The following SV2C variants were observed in gnomAD, a reference collection of about 807,000 sequenced individuals.
SV2C encodes the protein synaptic vesicle glycoprotein 2C.
Under a neutral mutation model 79.7 loss-of-function variants are expected in SV2C, and 49 were observed. The observed-to-expected ratio is 0.61, with a 90% CI of 0.49 to 0.78. SV2C has a LOEUF of 0.78. Among genes scored for constraint, SV2C ranks in the 30% least tolerant of loss-of-function variants. The pLI, the probability that SV2C is intolerant of heterozygous loss-of-function variation, is 0.00. For missense variants in SV2C, 833 were observed against 912.9 expected (o/e 0.91, Z 1.13); for synonymous variants, 334 against 333.2 (o/e 1.00, Z -0.03).
At chr5:76,334,904 G>A (rs751623111), downstream of SV2C, among the ~76,000 whole-genome samples, 1 of 152,198 alleles carries the variant, frequency 6.6e-6, no homozygotes, top group Non-Finnish European at 1.5e-5. Flanking sequence ...GAACAAAATG[G>A]GGGGTTTGTA....
intron 3 of SV2C, among the ~76,000 whole-genome samples, 168 bp downstream of exon 3, chr5:76,195,267 T>G (rs1744238795): frequency 6.6e-6 from 1 of 152,130 alleles, no homozygotes; most frequent in African/African-American, 2.4e-5. Flanking sequence ...TTATCAACCT[T>G]TAAATACAGG....
chr5:76,014,589 G>A, the SV2C span, among the ~76,000 whole-genome samples: 354 of 152,146 alleles, frequency 2.3e-3, 1 homozygote, highest in African/African-American at 8.3e-3. Context: ...GACTAAACAG[G>A]CACACACAGG....
chr5:76,129,336 T>G (rs1748807635), intron 1 of SV2C, among the ~76,000 whole-genome samples: 1 of 152,196 alleles, frequency 6.6e-6, no homozygotes, highest in African/African-American at 2.4e-5. Flanking sequence ...ACAAGTCTCT[T>G]CCCTCAAGGA....
chr5:76,100,733 C>A (rs1268077553), intron 1 of SV2C, among the ~76,000 whole-genome samples: 1 of 152,128 alleles, frequency 6.6e-6, no homozygotes, highest in Non-Finnish European at 1.5e-5. Flanking sequence ...TCCAGAACTC[C>A]ATGGTGGTTT....
chr5:75,878,663 T>C, the SV2C span, among the ~76,000 whole-genome samples: 1 of 152,158 alleles, frequency 6.6e-6, no homozygotes, highest in African/African-American at 2.4e-5. Flanking sequence ...ATAGTGGTGG[T>C]CCTGATATAA....
the SV2C span, among the ~76,000 whole-genome samples, chr5:75,898,845 T>C: frequency 6.6e-6 from 1 of 152,250 alleles, no homozygotes; most frequent in African/African-American, 2.4e-5. Context: ...GATTTTCTAG[T>C]TGATTTGCGT....
downstream of SV2C, among the ~76,000 whole-genome samples, chr5:76,337,563 A>G (rs142048247): frequency 1.8e-3 from 276 of 152,266 alleles, 1 homozygote; most frequent in African/African-American, 6.4e-3. Context: ...TTTGCTGTGT[A>G]TATATTGTTA....
chr5:76,268,922 A>G (rs1268925234), intron 4 of SV2C, among the ~76,000 whole-genome samples: 5 of 152,198 alleles, frequency 3.3e-5, no homozygotes, highest in Non-Finnish European at 5.9e-5. Context: ...CAAAAACAAA[A>G]CACATTCATG....
the SV2C span, among the ~76,000 whole-genome samples, chr5:76,000,691 T>C: frequency 6.6e-6 from 1 of 152,194 alleles, no homozygotes; most frequent in African/African-American, 2.4e-5. Flanking sequence ...ATGCAGAGAA[T>C]GATACCACAT....
At chr5:75,913,249 C>T in the SV2C span, among the ~76,000 whole-genome samples, 9 of 152,142 alleles carry the variant, frequency 5.9e-5, no homozygotes, top group Non-Finnish European at 1.2e-4. Context: ...TGGAGGTCCC[C>T]AGGATCTGAT....
chr5:76,264,610 G>A (rs1746585402), intron 4 of SV2C, among the ~76,000 whole-genome samples: 1 of 152,132 alleles, frequency 6.6e-6, no homozygotes, highest in African/African-American at 2.4e-5. Context: ...CCTTTGAATG[G>A]GGTTTCTGTG....
chr5:76,254,186 GTGTGTATATATATA>G (rs1322893193), intron 4 of SV2C, among the ~76,000 whole-genome samples: 1 of 150,178 alleles, frequency 6.7e-6, no homozygotes, highest in Non-Finnish European at 1.5e-5. Flanking sequence ...ATATATGTGT[GTGTGTATATATATA>G]TGTGTGTATA....
chr5:76,312,307 C>T (rs1192938763), intron 12 of SV2C, among the ~76,000 whole-genome samples: 1 of 151,796 alleles, frequency 6.6e-6, no homozygotes, highest in Non-Finnish European at 1.5e-5. Flanking sequence ...GGCTGGAGTG[C>T]AGTGACGCAA....
chr5:75,910,055 T>G, the SV2C span, among the ~76,000 whole-genome samples: 1 of 152,174 alleles, frequency 6.6e-6, no homozygotes, highest in Non-Finnish European at 1.5e-5. Flanking sequence ...GAGCAGACAC[T>G]CCATAAATAC....
intron 12 of SV2C, among the ~76,000 whole-genome samples, 188 bp from the exon 13 acceptor site, chr5:76,325,176 A>G (rs1246616548): frequency 6.6e-6 from 1 of 152,200 alleles, no homozygotes; most frequent in Non-Finnish European, 1.5e-5. Flanking sequence ...AAGTCAACAG[A>G]GGGCTGGAGG....
At chr5:75,903,366 T>C in the SV2C span, among the ~76,000 whole-genome samples, 1 of 135,256 alleles carries the variant, frequency 7.4e-6, no homozygotes, top group South Asian at 2.7e-4. Flanking sequence ...CACAAAAAGG[T>C]GTTTTTTTTT....
At chr5:75,848,530 A>G in the SV2C span, among the ~76,000 whole-genome samples, 3 of 152,338 alleles carry the variant, frequency 2.0e-5, no homozygotes, top group East Asian at 3.9e-4. Context: ...TGCGAGGAGA[A>G]TCACTGCTGG....
At chr5:76,268,662 C>A (rs1394065780) in intron 4 of SV2C, among the ~76,000 whole-genome samples, 1 of 152,142 alleles carries the variant, frequency 6.6e-6, no homozygotes, top group African/African-American at 2.4e-5. Context: ...TGGTAATAAC[C>A]ATTTATAAGC....
the SV2C span, among the ~76,000 whole-genome samples, chr5:75,968,448 C>T: frequency 3.9e-5 from 6 of 151,912 alleles, no homozygotes; most frequent in South Asian, 2.1e-4. Context: ...GATGAATGGA[C>T]GACTAGAAAA....
Sources: allele counts gnomAD v4.1 joint callset (sites outside exome capture counted in the v4.1 genomes callset), GRCh38; gene constraint gnomAD v4.1.1; transcripts MANE v1.5; gene names NCBI Gene and HGNC (gene_info 2026-07-23, HGNC 2026-07-21).